CDYL2: variants seen among roughly 807,000 people sequenced by gnomAD.
CDYL2 encodes the protein chromodomain Y like 2.
CDYL2 carries 23 observed loss-of-function variants against 49.4 expected under a neutral mutation model. The observed-to-expected ratio is 0.47, with a 90% confidence interval of 0.34 to 0.66. The LOEUF is 0.66. CDYL2 is among the 30% of genes least tolerant of loss of function. The pLI is 0.01. For missense variants in CDYL2, 678 were observed against 656.4 expected, an observed-to-expected ratio of 1.03 and a Z score of -0.36; for synonymous variants, 360 against 268.8, an observed-to-expected ratio of 1.34 and a Z score of -3.32.
At chr16:80,737,001 C>T (rs1294839053) in intron 1 of CDYL2, among the ~76,000 whole-genome samples, 1 of 152,124 alleles carries the variant, frequency 6.6e-6, no homozygotes, top group East Asian at 1.9e-4. Context: ...TGAGACTCTG[C>T]CTTTCTTTTG....
chr16:80,761,966 G>A lies in CDYL2; in HGVS notation c.24+42184C>T, dbSNP rs76939193. ...TTTGGGAGGCCAAGGCAGGAGGATT[G>A]TTTGAGGCCAGGAGGTCAAGACTAG... On this transcript the variant is annotated intron_variant, in intron 1 of 6. Transcript: ENST00000570137. 3.3e-3 allele frequency among the ~76,000 whole-genome samples: 503 copies of A among 150,624 alleles called. 4 individuals carry two copies. The highest frequency in any genetic ancestry group is 0.012 in the African/African-American group (492 of 41,012).
At chr16:80,740,761 A>C (rs1326063058) in intron 1 of CDYL2, among the ~76,000 whole-genome samples, 1 of 152,124 alleles carries the variant, frequency 6.6e-6, no homozygotes, top group Non-Finnish European at 1.5e-5. Flanking sequence ...AGGCAACGAA[A>C]ATAGAAAATG....
intron 2 of CDYL2, among the ~76,000 whole-genome samples, chr16:80,676,126 T>C (rs1909733878): frequency 6.6e-6 from 1 of 152,130 alleles, no homozygotes; most frequent in Non-Finnish European, 1.5e-5. Context: ...AGCCTGGCAC[T>C]TTCCATGTGC....
chr16:80,640,816 T>C (rs577862856), intron 2 of CDYL2, among the ~76,000 whole-genome samples: 39 of 152,182 alleles, frequency 2.6e-4, no homozygotes, highest in Non-Finnish European at 4.6e-4. Context: ...TAGTGAAGAA[T>C]GCAGCAGACT....
chr16:80,699,133 A>C (rs1046273221), intron 1 of CDYL2, among the ~76,000 whole-genome samples: 2 of 152,364 alleles, frequency 1.3e-5, no homozygotes, highest in Admixed American at 1.3e-4. Context: ...TTAATATCAT[A>C]TGATTCAATA....
intron 2 of CDYL2, chr16:80,662,733 T>C: frequency 2.2e-6 from 1 of 455,946 alleles, no homozygotes; most frequent in Non-Finnish European, 4.4e-6. Context: ...CTAATTGAAA[T>C]ATAACTCTAA....
intron 2 of CDYL2, among the ~76,000 whole-genome samples, chr16:80,681,984 A>C (rs1289482657): frequency 6.6e-6 from 1 of 152,178 alleles, no homozygotes; most frequent in Non-Finnish European, 1.5e-5. Context: ...CCCACCCCCC[A>C]CACATTTGGC....
intron 2 of CDYL2, among the ~76,000 whole-genome samples, chr16:80,635,450 A>G (rs1907776341): frequency 6.6e-6 from 1 of 152,200 alleles, no homozygotes; most frequent in African/African-American, 2.4e-5. Flanking sequence ...TCATGAGTGA[A>G]CTACCATTCA....
At chr16:80,700,987 CG>C (rs1904297462) in intron 1 of CDYL2, among the ~76,000 whole-genome samples, 1 of 152,204 alleles carries the variant, frequency 6.6e-6, no homozygotes, top group South Asian at 2.1e-4. Context: ...CTGAGGGACT[CG>C]GCGGGCAGAA....
intron 1 of CDYL2, among the ~76,000 whole-genome samples, chr16:80,685,583 T>C (rs1021398592): frequency 2.6e-5 from 4 of 152,214 alleles, no homozygotes; most frequent in African/African-American, 4.8e-5. Context: ...TGCCAATTTA[T>C]CCTTACTTAT....
intron 2 of CDYL2, among the ~76,000 whole-genome samples, chr16:80,667,543 C>A (rs1483550414): frequency 6.6e-6 from 1 of 152,194 alleles, no homozygotes; most frequent in East Asian, 1.9e-4. Flanking sequence ...CCCACAATAT[C>A]TTCTGCATGT....
At chr16:80,715,319 A>G (rs1473744805) in intron 1 of CDYL2, among the ~76,000 whole-genome samples, 4 of 152,152 alleles carry the variant, frequency 2.6e-5, no homozygotes, top group Admixed American at 6.5e-5. Flanking sequence ...TGATCCCACC[A>G]TAGTCAACAA....
At chr16:80,683,879 T>C (rs9929220) in intron 2 of CDYL2, among the ~76,000 whole-genome samples, 82,040 of 152,058 alleles carry the variant, frequency 0.54, 22,882 homozygotes, top group Middle Eastern at 0.7. Flanking sequence ...CTTCTAGCCT[T>C]CAGAATTGTG....
At chr16:80,623,576 G>A (rs913924058) in intron 3 of CDYL2, among the ~76,000 whole-genome samples, 37 of 152,334 alleles carry the variant, frequency 2.4e-4, no homozygotes, top group Non-Finnish European at 4.6e-4. Context: ...CCGACAGGAT[G>A]AGTTTCTTCA....
intron 2 of CDYL2, among the ~76,000 whole-genome samples, chr16:80,673,315 G>C (rs1026045202): frequency 6.6e-6 from 1 of 151,988 alleles, no homozygotes; most frequent in Non-Finnish European, 1.5e-5. Context: ...GCAAGACTCT[G>C]TCTCAAAAAT....
intron 1 of CDYL2, among the ~76,000 whole-genome samples, chr16:80,749,052 C>T (rs941004217): frequency 1.3e-5 from 2 of 152,032 alleles, no homozygotes; most frequent in Non-Finnish European, 1.5e-5. Flanking sequence ...GTGGTTCTAA[C>T]TGTACCTAAA....
chr16:80,686,634 T>C lies in CDYL2; in HGVS notation c.25-1505A>G, dbSNP rs560131556. Among the ~76,000 whole-genome samples the C allele has an allele frequency of 2.6e-5, 4 of 152,372 alleles. No individual in the cohort carries two copies. The South Asian group carries it at 6.2e-4, about 24-fold the overall frequency. ...TGTTTATGTTTACGTGTTTGAATTT[T>C]AGTATGTTTAGAATTTTAATCCTAA... is the stretch of plus-strand genomic sequence containing the variant. On this transcript the variant is annotated intron_variant, in intron 1 of 6. Coordinates refer to ENST00000570137, the MANE Select transcript of CDYL2 (RefSeq NM_152342.4).
intron 1 of CDYL2, among the ~76,000 whole-genome samples, chr16:80,761,263 A>C (rs1028852561): frequency 3.3e-5 from 5 of 152,234 alleles, no homozygotes; most frequent in Admixed American, 1.3e-4. Context: ...TGTGGTTACC[A>C]GGCAGCCATC....
intron 2 of CDYL2, among the ~76,000 whole-genome samples, chr16:80,645,055 A>T (rs1182070654): frequency 1.3e-5 from 2 of 152,172 alleles, no homozygotes; most frequent in Non-Finnish European, 2.9e-5. Context: ...AACCTAGGCA[A>T]TACCATTCAG....
Sources: allele counts gnomAD v4.1 joint callset (sites outside exome capture counted in the v4.1 genomes callset), GRCh38; gene constraint gnomAD v4.1.1; transcripts MANE v1.5; gene names NCBI Gene and HGNC (gene_info 2026-07-23, HGNC 2026-07-21).